Variants in SGK1 observed in about 807,000 individuals in gnomAD.
SGK1 encodes the protein serine/threonine-protein kinase Sgk1.
SGK1 carries 26 observed loss-of-function variants against 64.2 expected under a neutral mutation model. The ratio of observed to expected loss-of-function variants is 0.40; its 90% CI spans 0.30 to 0.56. The LOEUF (loss-of-function observed/expected upper bound fraction) is 0.56, where lower values mean the gene tolerates loss of function less well. Among genes scored for constraint, SGK1 ranks in the 20% least tolerant of loss-of-function variants. SGK1 has a pLI of 0.38. For missense variants in SGK1, 519 were observed against 645.6 expected (o/e 0.80, Z 2.12); for synonymous variants, 265 against 239.7 (o/e 1.11, Z -0.98).
At chr6:134,249,388 T>TTCCAGGCC (rs1283308246) in intron 2 of SGK1, 2 of 152,252 alleles carry the variant, frequency 1.3e-5, no homozygotes, top group African/African-American at 4.8e-5. Context: ...TACCATGTCA[T>TTCCAGGCC]TCCAGGCCTC....
At chr6:134,219,866 C>T (rs1201445968) in intron 2 of SGK1, among the ~76,000 whole-genome samples, 9 of 144,630 alleles carry the variant, frequency 6.2e-5, no homozygotes, top group African/African-American at 1.5e-4. Context: ...GAGACCATCC[C>T]GGCTAAAACG....
intron 3 of SGK1, among the ~76,000 whole-genome samples, chr6:134,203,175 G>A (rs1012828333): frequency 6.6e-6 from 1 of 152,164 alleles, no homozygotes; most frequent in Non-Finnish European, 1.5e-5. Context: ...CCCAGAAGGT[G>A]GAGGTCACAG....
intron 1 of SGK1, among the ~76,000 whole-genome samples, chr6:134,303,246 G>C (rs1431361109): frequency 6.6e-6 from 1 of 151,820 alleles, no homozygotes; most frequent in Non-Finnish European, 1.5e-5. Flanking sequence ...CCGAAAATTA[G>C]CGGGGCGTGG....
intron 2 of SGK1, among the ~76,000 whole-genome samples, chr6:134,221,227 C>A (rs1361152639): frequency 6.6e-6 from 1 of 152,082 alleles, no homozygotes; most frequent in Non-Finnish European, 1.5e-5. Flanking sequence ...CTGCTTGAAC[C>A]TGGGAGGTGG....
At chr6:134,265,310 A>C (rs1007252510) in intron 1 of SGK1, among the ~76,000 whole-genome samples, 3 of 151,778 alleles carry the variant, frequency 2.0e-5, no homozygotes, top group African/African-American at 7.3e-5. Context: ...AAACACAAAA[A>C]TTAGCTGGGT....
intron 1 of SGK1, among the ~76,000 whole-genome samples, chr6:134,304,487 A>C: frequency 6.6e-6 from 1 of 152,162 alleles, no homozygotes; most frequent in South Asian, 2.1e-4. Flanking sequence ...CCACGTCTCT[A>C]CTAAAGATAT....
In SGK1 at chr6:134,254,754, CAAG is replaced by C. The variant is rs1776655557; in HGVS notation, c.285+7176_285+7178del. Among the ~76,000 whole-genome samples, 3 of 152,110 alleles carry C rather than the reference CAAG, an allele frequency of 2.0e-5. No individual in the cohort carries two copies. In the South Asian group the frequency reaches 6.2e-4, roughly 32 times the overall value. ...ATAGATAAACACACATATATACAGA[CAAG>C]AAGAAAGAAATACAAAGTTTAAAAA... On this transcript the variant is annotated intron_variant, in intron 2 of 13. Coordinates refer to ENST00000367858, the MANE Select transcript of SGK1 (RefSeq NM_001143676.3).
chr6:134,265,464 AAAACAAAC>A (rs948811152), intron 1 of SGK1, among the ~76,000 whole-genome samples: 2 of 150,534 alleles, frequency 1.3e-5, no homozygotes, highest in African/African-American at 2.4e-5. Context: ...TCTGTCTCAA[AAAACAAAC>A]AAACAAACAA....
chr6:134,183,750 C>A (rs1191541224), intron 3 of SGK1, among the ~76,000 whole-genome samples: 1 of 151,928 alleles, frequency 6.6e-6, no homozygotes, highest in Non-Finnish European at 1.5e-5. Context: ...AAAAAATAAA[C>A]CCAGAAGGAA....
chr6:134,238,370 G>A lies in SGK1; in HGVS notation c.285+23563C>T, dbSNP rs552632646. 3.1e-3 allele frequency among the ~76,000 whole-genome samples: 479 copies of A among 152,260 alleles called. 3 individuals carry two copies. The highest frequency in any genetic ancestry group is 0.011 in the African/African-American group (448 of 41,560). ...AAAAGTGCTTTTAAGAGGCCTATTA[G>A]CATCAGGAATGAGGTAAGTCCCTTT... On this transcript the variant is annotated intron_variant, in intron 2 of 13. Coordinates refer to ENST00000367858, the MANE Select transcript of SGK1 (RefSeq NM_001143676.3).
intron 2 of SGK1, among the ~76,000 whole-genome samples, chr6:134,215,709 C>T (rs867690427): frequency 2.0e-4 from 31 of 151,906 alleles, no homozygotes; most frequent in Admixed American, 1.6e-3. Context: ...GGCAAAACCC[C>T]GTCTCTACTA....
chr6:134,229,074 G>A (rs1252953339), intron 2 of SGK1, among the ~76,000 whole-genome samples: 1 of 152,140 alleles, frequency 6.6e-6, no homozygotes, highest in Non-Finnish European at 1.5e-5. Flanking sequence ...CTCGTGATCC[G>A]CCCGCCTTGG....
At chr6:134,193,064 C>A in intron 3 of SGK1, among the ~76,000 whole-genome samples, 1 of 152,138 alleles carries the variant, frequency 6.6e-6, no homozygotes, top group Non-Finnish European at 1.5e-5. Flanking sequence ...TTATTAAGGG[C>A]ATATGTTCAA....
intron 2 of SGK1, among the ~76,000 whole-genome samples, chr6:134,233,235 T>C (rs1191822161): frequency 6.6e-6 from 1 of 152,252 alleles, no homozygotes; most frequent in Non-Finnish European, 1.5e-5. Flanking sequence ...AAACTATTGA[T>C]GAACTTGAAT....
At chr6:134,204,607 G>A (rs1235090342) in intron 3 of SGK1, among the ~76,000 whole-genome samples, 4 of 145,154 alleles carry the variant, frequency 2.8e-5, no homozygotes, top group Non-Finnish European at 5.9e-5. Flanking sequence ...AGGCTGGAAT[G>A]CAATGGCACA....
chr6:134,275,699 ACCAAGTCT>A (rs1187796041), intron 1 of SGK1, among the ~76,000 whole-genome samples: 1 of 152,114 alleles, frequency 6.6e-6, no homozygotes, highest in Non-Finnish European at 1.5e-5. Flanking sequence ...GGCCTGGGAG[ACCAAGTCT>A]CCTAGGGTCT....
intron 1 of SGK1, among the ~76,000 whole-genome samples, chr6:134,281,260 T>C (rs762865280): frequency 2.0e-5 from 3 of 152,176 alleles, no homozygotes; most frequent in Non-Finnish European, 2.9e-5. Flanking sequence ...TGTTAGAAGA[T>C]CTGATTTCAA....
chr6:134,298,260 G>C, intron 1 of SGK1: 1 of 1,572,530 alleles, frequency 6.4e-7, no homozygotes, highest in Non-Finnish European at 8.7e-7. Context: ...GCCGCCTAAG[G>C]TTGTTGAAGT....
chr6:134,229,029 G>A (rs573117365), intron 2 of SGK1, among the ~76,000 whole-genome samples: 95 of 152,292 alleles, frequency 6.2e-4, no homozygotes, highest in Admixed American at 2.9e-3. Flanking sequence ...ATTTTTAGTA[G>A]AGACGGGGTT....
Sources: gnomAD v4.1 joint callset for allele counts (sites outside exome capture counted in the v4.1 genomes callset) on GRCh38, gnomAD v4.1.1 for gene constraint, MANE v1.5 for transcripts, NCBI Gene and HGNC (gene_info 2026-07-23, HGNC 2026-07-21) for gene names.